SORCS1: variants seen among roughly 807,000 people sequenced by gnomAD.
SORCS1 encodes the protein sortilin related VPS10 domain containing receptor 1.
Under a neutral mutation model 146.1 loss-of-function variants are expected in SORCS1, and 60 were observed. That is an observed-to-expected ratio of 0.41 (90% CI 0.33 to 0.51). The LOEUF (loss-of-function observed/expected upper bound fraction) is 0.51, where lower values mean the gene tolerates loss of function less well. Among genes scored for constraint, SORCS1 ranks in the 20% least tolerant of loss-of-function variants. The pLI, the probability that SORCS1 is intolerant of heterozygous loss-of-function variation, is 0.21. For missense variants in SORCS1, 1,352 were observed against 1,487.6 expected, an observed-to-expected ratio of 0.91 and a Z score of 1.50; for synonymous variants, 637 against 584.0, an observed-to-expected ratio of 1.09 and a Z score of -1.31.
intron 3 of SORCS1, among the ~76,000 whole-genome samples, chr10:106,814,091 G>C (rs576455124): frequency 6.6e-6 from 1 of 152,270 alleles, no homozygotes; most frequent in Non-Finnish European, 1.5e-5. Context: ...CCAGTACTGA[G>C]ACCTGGACTT....
intron 2 of SORCS1, among the ~76,000 whole-genome samples, chr10:106,923,033 C>T (rs766258615): frequency 6.3e-4 from 96 of 151,946 alleles, no homozygotes; most frequent in Non-Finnish European, 1.1e-3. Flanking sequence ...GGACTATAGG[C>T]GCACACGCCA....
intron 1 of SORCS1, among the ~76,000 whole-genome samples, chr10:107,126,075 T>G (rs545979291): frequency 6.6e-6 from 1 of 152,222 alleles, no homozygotes; most frequent in Non-Finnish European, 1.5e-5. Context: ...TTGACTTTAT[T>G]ACCTCCTGTT....
intron 5 of SORCS1, among the ~76,000 whole-genome samples, chr10:106,739,954 A>C (rs1426009531): frequency 1.3e-5 from 2 of 151,010 alleles, no homozygotes; most frequent in African/African-American, 2.4e-5. Flanking sequence ...CTGTCTCAAA[A>C]AAAAAAAAAA....
chr10:106,993,076 G>T (rs12268682), intron 1 of SORCS1, among the ~76,000 whole-genome samples: 1 of 151,134 alleles, frequency 6.6e-6, no homozygotes, highest in Non-Finnish European at 1.5e-5. Flanking sequence ...GTGATCTGCC[G>T]GCCTCGGCCT....
At chr10:106,777,077 T>C (rs918416353) in intron 3 of SORCS1, among the ~76,000 whole-genome samples, 7 of 152,206 alleles carry the variant, frequency 4.6e-5, no homozygotes, top group African/African-American at 1.7e-4. Context: ...GGTTATAGTC[T>C]GCTGTGGGAA....
At chr10:106,795,982 T>C (rs1183248719) in intron 3 of SORCS1, among the ~76,000 whole-genome samples, 1 of 152,214 alleles carries the variant, frequency 6.6e-6, no homozygotes, top group African/African-American at 2.4e-5. Flanking sequence ...GTGGTTTTTC[T>C]GGGGTGAGAG....
chr10:106,627,867 G>A (rs1564794462), intron 19 of SORCS1, among the ~76,000 whole-genome samples: 1 of 152,228 alleles, frequency 6.6e-6, no homozygotes, highest in Non-Finnish European at 1.5e-5. Context: ...CTTGCGGCAG[G>A]TGGACCTGAG....
rs139109900 is a variant in SORCS1, at chr10:107,041,861, GAAT to G, written c.559-85284_559-85282del. ...GCCTCGATTTCTTTATCCCAAATGAGAATAATAATATGTTCCCTATCTATCTTT... is the reference window on the plus strand; with the variant it reads ...GCCTCGATTTCTTTATCCCAAATGAGAATAATATGTTCCCTATCTATCTTT... On this transcript the variant is annotated intron_variant, in intron 1 of 25. Coordinates refer to ENST00000263054, the MANE Select transcript of SORCS1 (RefSeq NM_052918.5). 2.7e-3 allele frequency among the ~76,000 whole-genome samples: 418 copies of G among 152,172 alleles called. 12 individuals carry two copies. The East Asian group carries it at 0.064, about 23-fold the overall frequency.
intron 1 of SORCS1, among the ~76,000 whole-genome samples, chr10:107,109,565 C>A (rs533189647): frequency 4.3e-4 from 65 of 152,346 alleles, no homozygotes; most frequent in Non-Finnish European, 7.8e-4. Flanking sequence ...GCCCCTGAAA[C>A]CATTCTTTCC....
At chr10:106,772,121 T>G (rs2136330870) in intron 4 of SORCS1, among the ~76,000 whole-genome samples, 1 of 152,272 alleles carries the variant, frequency 6.6e-6, no homozygotes, top group African/African-American at 2.4e-5. Context: ...ATCAGTAGGC[T>G]GAGAAAATCC....
intron 2 of SORCS1, among the ~76,000 whole-genome samples, chr10:106,871,858 T>C (rs1950417664): frequency 1.3e-5 from 2 of 149,526 alleles, no homozygotes; most frequent in South Asian, 2.2e-4. Flanking sequence ...AGTTTACCTA[T>C]GCAACAAAGC....
At chr10:106,899,002 G>C (rs1208668603) in intron 2 of SORCS1, among the ~76,000 whole-genome samples, 2 of 152,034 alleles carry the variant, frequency 1.3e-5, no homozygotes, top group Non-Finnish European at 2.9e-5. Flanking sequence ...GATTTACATG[G>C]TCCTTAGTGG....
intron 9 of SORCS1, 126 bp from the exon 10 acceptor site, chr10:106,688,464 C>T (rs890890673): frequency 1.2e-5 from 13 of 1,058,556 alleles, no homozygotes; most frequent in Admixed American, 8.0e-5. Flanking sequence ...GAAAGGTTGA[C>T]GATGGGGGAA....
intron 1 of SORCS1, among the ~76,000 whole-genome samples, chr10:107,137,955 T>G (rs184911149): frequency 6.6e-6 from 1 of 152,318 alleles, no homozygotes; most frequent in Non-Finnish European, 1.5e-5. Context: ...CCATGTGTAT[T>G]CTGTTCATTA....
chr10:106,964,859 A>C (rs769852027), intron 1 of SORCS1, among the ~76,000 whole-genome samples: 37 of 150,648 alleles, frequency 2.5e-4, no homozygotes, highest in Non-Finnish European at 3.8e-4. Flanking sequence ...AATGATCCTC[A>C]TGCCTCAGCC....
Position 106,709,272 on chromosome 10 carries a change from T to C in SORCS1, c.1094A>G (p.Tyr365Cys), listed in dbSNP as rs928948518. 1 of 1,613,912 alleles carries C rather than the reference T, an allele frequency of 6.2e-7. No homozygotes were observed. Among genetic ancestry groups the C allele is most frequent in the Non-Finnish European group, 8.5e-7 (1 of 1,179,882 alleles). ...AACAATCAAAGAGTCTGGGTCAATG[T>C]AGCCTGGAAAAGGCTGATTCCTGTT... ...EANRNQPFPG[Y>C]IDPDSLIVQD... Residue 365 changes from tyrosine (Y) to cysteine (C), a missense_variant, in exon 7 of 26, where the codon TAC (tyrosine) becomes TGC (cysteine). Coordinates refer to ENST00000263054, the MANE Select transcript of SORCS1 (RefSeq NM_052918.5).
intron 1 of SORCS1, among the ~76,000 whole-genome samples, chr10:106,990,460 G>A (rs1402402545): frequency 3.9e-5 from 6 of 151,988 alleles, no homozygotes; most frequent in Non-Finnish European, 5.9e-5. Context: ...AGTAGAGATG[G>A]GTTTTCACCA....
intron 1 of SORCS1, among the ~76,000 whole-genome samples, chr10:107,067,174 G>T (rs1961952069): frequency 6.6e-6 from 1 of 152,102 alleles, no homozygotes; most frequent in African/African-American, 2.4e-5. Flanking sequence ...TGGCATTCAT[G>T]GACTCACCTG....
intron 2 of SORCS1, among the ~76,000 whole-genome samples, chr10:106,890,402 T>C (rs765311601): frequency 7.2e-5 from 11 of 152,152 alleles, no homozygotes; most frequent in Non-Finnish European, 1.2e-4. Flanking sequence ...CCTTAATTGA[T>C]CTGACAACCT....
Sources: gnomAD v4.1 joint callset for allele counts (sites outside exome capture counted in the v4.1 genomes callset) on GRCh38, gnomAD v4.1.1 for gene constraint, MANE v1.5 for transcripts, NCBI Gene and HGNC (gene_info 2026-07-23, HGNC 2026-07-21) for gene names.